Variants in RHOT2 observed in about 807,000 individuals in gnomAD.
RHOT2 encodes mitochondrial Rho GTPase 2.
RHOT2 carries 90 observed loss-of-function variants against 81.6 expected under a neutral mutation model. That is an observed-to-expected ratio of 1.10 (90% CI 0.93 to 1.31). The LOEUF (loss-of-function observed/expected upper bound fraction) is 1.31, where lower values mean the gene tolerates loss of function less well. Ranked by LOEUF, RHOT2 falls within the 40% of genes most tolerant of loss-of-function variation. The pLI, the probability that RHOT2 is intolerant of heterozygous loss-of-function variation, is 0.00. For missense variants in RHOT2, 1,014 were observed against 841.9 expected, an observed-to-expected ratio of 1.20 and a Z score of -2.53; for synonymous variants, 512 against 370.9, an observed-to-expected ratio of 1.38 and a Z score of -4.37.
In RHOT2 at chr16:672,552, G is replaced by C. The variant is rs776249151; in HGVS notation, c.1390G>C (p.Glu464Gln). 6.8e-6 allele frequency: 11 copies of C among 1,612,554 alleles called. No homozygotes were observed. Among genetic ancestry groups the C allele is most frequent in the Non-Finnish European group, 9.3e-6 (11 of 1,179,872 alleles). Residue 464 changes from glutamate to glutamine, a missense_variant, in exon 16 of 19, where the codon GAG becomes CAG. Physicochemically the swap from Glu to Gln is conservative, Grantham distance 29 (BLOSUM62 2). Coordinates refer to ENST00000315082, the MANE Select transcript of RHOT2 (RefSeq NM_138769.3). ...AIDTVQVNGQ[E>Q]KYLILCEVGT... ...CGACACGGTGCAGGTCAATGGACAG[G>C]AGAAGTACTTGATCGTGAGTGCTGG...
chr16:669,127 C>G (rs140426285), intron 4 of RHOT2: 10,343 of 382,638 alleles, frequency 0.027, 155 homozygotes, highest in African/African-American at 0.038. Context: ...TGTTGGCACC[C>G]CTCACTGCGG....
chr16:671,646 G>A (rs368285931), intron 11 of RHOT2, 51 bp from the exon 12 acceptor site: 79 of 1,566,430 alleles, frequency 5.0e-5, no homozygotes, highest in African/African-American at 1.2e-4. Context: ...TGGGCTGAGC[G>A]TGGTGCTGCA....
intron 4 of RHOT2, 56 bp from the exon 5 acceptor site, chr16:669,493 CAGGG>C: frequency 2.5e-6 from 4 of 1,571,154 alleles, no homozygotes; most frequent in Non-Finnish European, 3.5e-6. Flanking sequence ...GTGGAACGGC[CAGGG>C]TCGTCGGTGG....
intron 11 of RHOT2, chr16:671,443 C>G (rs904466208): frequency 4.3e-6 from 3 of 704,996 alleles, no homozygotes; most frequent in Non-Finnish European, 4.6e-6. Flanking sequence ...CAACCCCGCT[C>G]GCGTGGCTTG....
Position 668,407 on chromosome 16 carries a change from A to G in RHOT2, c.92A>G (p.Glu31Gly). ...ILSLVGEEFP[E>G]EVPPRAEEIT... is the part of the protein sequence containing the mutation. ...TCCCTGGTGGGCGAGGAGTTCCCCG[A>G]GGAGGTAAGGGGCACGCCCGCCGCG... Residue 31 changes from glutamate (E) to glycine (G), a missense_variant, in exon 2 of 19, where the codon GAG becomes GGG. Transcript: ENST00000315082. 2 of 1,493,348 alleles carry G rather than the reference A, an allele frequency of 1.3e-6. No individual in the cohort carries two copies. 92.5% of individuals were successfully genotyped at this position (1,493,348 alleles called of 1,614,324 possible).
chr16:672,232 T>C lies in RHOT2; in HGVS notation c.1196-22T>C, dbSNP rs193193724. The C allele has an allele frequency of 2.4e-5, 39 of 1,611,594 alleles. No homozygotes were observed. The Admixed American group carries it at 6.3e-4, about 26-fold the overall frequency. On this transcript the variant is annotated intron_variant, in intron 14 of 18. Transcript: ENST00000315082. ...GGGCCCAGTATCCTGGCAGCTGCCC[T>C]AACCCGTGTCTATCCTCACAGTCAC...
chr16:673,850 G>A lies in RHOT2; in HGVS notation c.*244G>A, dbSNP rs751189206. The A allele has an allele frequency of 1.5e-5, 9 of 611,946 alleles. No individual in the cohort carries two copies. The highest frequency in any genetic ancestry group is 5.8e-5 in the East Asian group (2 of 34,396). The allele number at this position is 611,946 out of a possible 1,614,324, so 37.9% of individuals were successfully genotyped here. A position where few individuals can be genotyped will look rare whatever the true frequency, so the allele number is the denominator to read the frequency against. ...GGCTGAGCAGGAGCTCCCAAGTGCC[G>A]GCCACCGCTGTCAGGGATTGCCCAC... On this transcript the variant is annotated 3_prime_UTR_variant, in exon 19 of 19. Transcript: ENST00000315082.
At chr16:668,826 C>G (rs2038389300) in intron 4 of RHOT2, 127 bp downstream of exon 4, 4 of 1,053,852 alleles carry the variant, frequency 3.8e-6, no homozygotes, top group Admixed American at 3.0e-5. Context: ...GACCTCCGCA[C>G]TGAGGGTTGT....
At position 670,598 on chromosome 16, in the gene RHOT2, G is replaced by C. The variant is rs537106959; in HGVS notation, c.540+41G>C. ...GGCCCCGCACGCTGGTTCCCCAGGG[G>C]CCCAGGGGGTGCTGGGTGGGGCGGT... On this transcript the variant is annotated intron_variant, in intron 8 of 18. Coordinates refer to ENST00000315082, the MANE Select transcript of RHOT2 (RefSeq NM_138769.3). The C allele has an allele frequency of 9.4e-6, 15 of 1,597,224 alleles. 1 individual carries two copies. In the African/African-American group the frequency reaches 1.9e-4, roughly 20 times the overall value.
rs372291769 is a variant in RHOT2, at chr16:670,921, G to A, written c.669G>A (p.Pro223=). The change falls in exon 10 of 19, where the codon CCG becomes CCA. Residue 223 remains proline, a synonymous_variant. Coordinates refer to ENST00000315082, the MANE Select transcript of RHOT2 (RefSeq NM_138769.3). ...QKSCFGHPLA[P]QALEDVKTVV... is the part of the protein sequence containing the mutation. ...CCTGCTTTGGGCACCCCCTGGCCCC[G>A]CAGGCCCTGGAGGACGTGAAGACGG... is the stretch of plus-strand genomic sequence containing the variant. 3.1e-5 allele frequency: 48 copies of A among 1,568,040 alleles called. No individual in the cohort carries two copies. Among genetic ancestry groups the A allele is most frequent in the Non-Finnish European group, 3.7e-5 (43 of 1,153,722 alleles).
Position 672,931 on chromosome 16 carries a change from C to T in RHOT2, c.1531C>T (p.His511Tyr). ...FAHCASVYKH[H>Y]YMDGQTPCLF... The stretch of plus-strand genomic sequence containing the variant: ...TCATACCACTCTCTGCCCACAGCAC[C>T]ATTACATGGACGGGCAGACCCCCTG... The change falls in exon 18 of 19, where the codon CAT (histidine) becomes TAT (tyrosine). Residue 511 changes from histidine (H) to tyrosine (Y), a missense_variant. Transcript: ENST00000315082. 6.2e-7 allele frequency: 1 copy of T among 1,612,834 alleles called. No homozygotes were observed. Among genetic ancestry groups the T allele is most frequent in the Non-Finnish European group, 8.5e-7 (1 of 1,180,006 alleles).
In RHOT2 at chr16:673,805, C is replaced by G; in HGVS notation, c.*199C>G. 1 of 717,220 alleles carries G rather than the reference C, an allele frequency of 1.4e-6. No individual in the cohort carries two copies. Among genetic ancestry groups the G allele is most frequent in the Non-Finnish European group, 2.3e-6 (1 of 443,348 alleles). The allele number at this position is 717,220 out of a possible 1,614,324, so 44.4% of individuals were successfully genotyped here. On this transcript the variant is annotated 3_prime_UTR_variant, in exon 19 of 19. Transcript: ENST00000315082. ...ACTGCCCTGGCTCCTGCCGGACCCC[C>G]AGGGTGGGCCGTGGCAGGTGGCTGA...
chr16:669,890 C>T, intron 5 of RHOT2: 3 of 613,402 alleles, frequency 4.9e-6, no homozygotes, highest in South Asian at 2.0e-5. Context: ...TTGGGGGCGG[C>T]CCTAGGCTTG....
rs763244066 is a variant in RHOT2, at chr16:668,519, C to T, written c.128C>T (p.Pro43Leu). The T allele has an allele frequency of 3.7e-6, 6 of 1,610,212 alleles. No individual in the cohort carries two copies. Among genetic ancestry groups the T allele is most frequent in the Non-Finnish European group, 4.2e-6 (5 of 1,178,922 alleles). Residue 43 changes from proline to leucine, a missense_variant, in exon 3 of 19, where the codon CCC becomes CTC. Pro to Leu is a moderately conservative substitution (Grantham distance 98). Transcript: ENST00000315082. ...VPPRAEEITI[P>L]ADVTPEKVPT... is the part of the protein sequence containing the mutation. ...CCCCGCGCGGAGGAGATCACCATCC[C>T]CGCGGACGTCACCCCGGAGAAGGTG...
At position 672,805 on chromosome 16, in the gene RHOT2, C is replaced by T; in HGVS notation, c.1507C>T (p.His503Tyr). The T allele has an allele frequency of 2.5e-6, 4 of 1,612,684 alleles. No individual in the cohort carries two copies. The highest frequency in any genetic ancestry group is 3.4e-6 in the Non-Finnish European group (4 of 1,179,980). ...FDGSDPKSFA[H>Y]CASVYKHHYM... is the part of the protein sequence containing the mutation. ...TGGCAGTGACCCAAAGTCCTTTGCA[C>T]ATTGTGCCAGCGTCTACAAGGTGGG... Residue 503 changes from histidine (H) to tyrosine (Y), a missense_variant, in exon 17 of 19, where the codon CAT becomes TAT. Transcript: ENST00000315082.
intron 18 of RHOT2, 28 bp downstream of exon 18, chr16:673,158 G>C: frequency 6.3e-7 from 1 of 1,599,742 alleles, no homozygotes; most frequent in Non-Finnish European, 8.5e-7. Context: ...CAGCCCTGGG[G>C]ACTAGCAGTG....
At chr16:668,607 G>A in intron 3 of RHOT2, 38 bp downstream of exon 3, 1 of 1,609,290 alleles carries the variant, frequency 6.2e-7, no homozygotes, top group African/African-American at 1.3e-5. Context: ...GGCCCGCAGC[G>A]GTCCGGCGGG....
At chr16:669,307 C>T (rs559839114) in intron 4 of RHOT2, 32 of 571,148 alleles carry the variant, frequency 5.6e-5, no homozygotes, top group Middle Eastern at 4.7e-4. Flanking sequence ...TGGCAGTGGG[C>T]GGGGAAGAGG....
intron 4 of RHOT2, chr16:669,125 C>T (rs1307709137): frequency 7.9e-6 from 3 of 380,308 alleles, no homozygotes; most frequent in African/African-American, 6.2e-5. Context: ...GCTGTTGGCA[C>T]CCCTCACTGC....
Sources: gnomAD v4.1 joint callset for allele counts on GRCh38, gnomAD v4.1.1 for gene constraint, MANE v1.5 for transcripts, NCBI Gene and HGNC (gene_info 2026-07-23, HGNC 2026-07-21) for gene names.